The following IMMP2L variants were observed in gnomAD, a reference collection of about 807,000 sequenced individuals.
IMMP2L encodes the protein mitochondrial inner membrane protease subunit 2.
Under a neutral mutation model 19.3 loss-of-function variants are expected in IMMP2L, and 18 were observed. That is an observed-to-expected ratio of 0.93 (90% confidence interval 0.64 to 1.38). IMMP2L has a LOEUF of 1.38. Ranked by LOEUF, IMMP2L falls within the 40% of genes most tolerant of loss-of-function variation. The pLI, the probability that IMMP2L is intolerant of heterozygous loss-of-function variation, is 0.00. For synonymous variants in IMMP2L, 76 were observed against 73.0 expected (o/e 1.04, Z -0.21); for missense variants, 233 against 218.2 (o/e 1.07, Z -0.43).
chr7:111,262,223 A>G (rs1214194490), intron 3 of IMMP2L, among the ~76,000 whole-genome samples: 2 of 152,170 alleles, frequency 1.3e-5, no homozygotes, highest in Admixed American at 6.6e-5. Flanking sequence ...TAAATAATAT[A>G]ATAGTATTTC....
At chr7:110,904,069 A>T (rs1277060087) in intron 4 of IMMP2L, among the ~76,000 whole-genome samples, 1 of 151,828 alleles carries the variant, frequency 6.6e-6, no homozygotes, top group Non-Finnish European at 1.5e-5. Context: ...TTCTGATCAA[A>T]TTTTTTGGTT....
chr7:111,502,423 T>C (rs868645548), intron 2 of IMMP2L, among the ~76,000 whole-genome samples: 24 of 151,784 alleles, frequency 1.6e-4, no homozygotes, highest in African/African-American at 5.3e-4. Context: ...AGACAGAAAG[T>C]TAACAAGGAT....
At chr7:110,987,112 T>G (rs1348198459) in intron 3 of IMMP2L, among the ~76,000 whole-genome samples, 1 of 152,110 alleles carries the variant, frequency 6.6e-6, no homozygotes, top group African/African-American at 2.4e-5. Context: ...AATTCATCAC[T>G]TTTCTATTTA....
chr7:111,354,549 G>C (rs1828505882), intron 3 of IMMP2L, among the ~76,000 whole-genome samples: 1 of 150,554 alleles, frequency 6.6e-6, no homozygotes, highest in Non-Finnish European at 1.5e-5. Flanking sequence ...AGAGGTTCTA[G>C]TCAACAAAGA....
rs1809146421 is a variant in IMMP2L at position 110,877,014 on chromosome 7, A to C, written c.408+9579T>G. 6.6e-6 allele frequency among the ~76,000 whole-genome samples: 1 copy of C among 152,208 alleles called. No individual in the cohort carries two copies. Among genetic ancestry groups the C allele is most frequent in the Non-Finnish European group, 1.5e-5 (1 of 68,018 alleles). ...AAGCTTTTTAAATAAAGAGCAGATA[A>C]TAAATATTTTAGGATTTGTGGGATA... On this transcript the variant is annotated intron_variant, in intron 5 of 5. Transcript: ENST00000405709. The surrounding 1 kb of genome is among the most constrained non-coding windows in gnomAD (Gnocchi z 4.0).
intron 3 of IMMP2L, among the ~76,000 whole-genome samples, chr7:111,471,706 G>A (rs935489467): frequency 6.6e-6 from 1 of 151,870 alleles, no homozygotes; most frequent in African/African-American, 2.4e-5. Context: ...TCACATATAT[G>A]GCTCACGTTA....
chr7:110,828,049 G>A lies in IMMP2L; in HGVS notation c.408+58544C>T, dbSNP rs1054491053. On this transcript the variant is annotated intron_variant, in intron 5 of 5. Transcript: ENST00000405709. Reference sequence around the variant, plus strand: ...AAACTAAAAAGACTGTTCTCAAAGTGCTCCTATCCAGATTTTTTAGTCATC... The same window carrying A: ...AAACTAAAAAGACTGTTCTCAAAGTACTCCTATCCAGATTTTTTAGTCATC... Among the ~76,000 whole-genome samples the A allele has an allele frequency of 7.9e-5, 12 of 152,208 alleles. No homozygotes were observed. In the South Asian group the frequency reaches 1.0e-3, roughly 13 times the overall value.
intron 4 of IMMP2L, among the ~76,000 whole-genome samples, chr7:110,932,059 C>A (rs900801766): frequency 1.3e-5 from 2 of 152,112 alleles, no homozygotes. Context: ...CCCCACACCC[C>A]CTTCTATTTT....
intron 5 of IMMP2L, among the ~76,000 whole-genome samples, chr7:110,696,502 C>T (rs142162334): frequency 2.6e-5 from 4 of 150,950 alleles, no homozygotes; most frequent in Non-Finnish European, 5.9e-5. Context: ...TCTCGGCCCA[C>T]CGCAATCTCG....
chr7:111,398,943 G>A (rs1276141390), intron 3 of IMMP2L, among the ~76,000 whole-genome samples: 1 of 150,064 alleles, frequency 6.7e-6, no homozygotes, highest in Non-Finnish European at 1.5e-5. Flanking sequence ...ACCTCTACAA[G>A]GAAAACTACA....
chr7:110,738,591 A>G (rs1223615547), intron 5 of IMMP2L, among the ~76,000 whole-genome samples: 1 of 152,244 alleles, frequency 6.6e-6, no homozygotes, highest in Admixed American at 6.5e-5. Flanking sequence ...TCCAAACCTA[A>G]GAATAATTGG....
intron 3 of IMMP2L, among the ~76,000 whole-genome samples, chr7:111,362,833 G>A (rs1033851105): frequency 1.3e-5 from 2 of 152,068 alleles, no homozygotes; most frequent in Non-Finnish European, 2.9e-5. Flanking sequence ...TGGGAGGGGC[G>A]AGAAGTCTGC....
At chr7:111,503,110 T>C (rs570501176) in intron 2 of IMMP2L, among the ~76,000 whole-genome samples, 12 of 151,886 alleles carry the variant, frequency 7.9e-5, no homozygotes, top group African/African-American at 2.9e-4. Flanking sequence ...AAGAATCAAA[T>C]AGACACAATA....
chr7:111,318,300 A>AC (rs1824321448), intron 3 of IMMP2L, among the ~76,000 whole-genome samples: 1 of 152,100 alleles, frequency 6.6e-6, no homozygotes, highest in Admixed American at 6.6e-5. Context: ...TGTGGAAGCC[A>AC]ATGGAGAACT....
Position 111,351,214 on chromosome 7 carries a change from G to A in IMMP2L, c.239+136024C>T, listed in dbSNP as rs7789749. The stretch of plus-strand genomic sequence containing the variant: ...TTATTTATTTATTTATTTTTGAGAC[G>A]GAGTCTTGCTCTGTCACCCAGGCTG... On this transcript the variant is annotated intron_variant, in intron 3 of 5. Transcript: ENST00000405709. 8.3e-3 allele frequency among the ~76,000 whole-genome samples: 1,267 copies of A among 152,024 alleles called. 19 individuals carry two copies. The highest frequency in any genetic ancestry group is 0.029 in the African/African-American group (1,198 of 41,478).
chr7:110,753,069 G>C (rs1797824442), intron 5 of IMMP2L, among the ~76,000 whole-genome samples: 1 of 152,056 alleles, frequency 6.6e-6, no homozygotes. Flanking sequence ...TTCCTTTGTA[G>C]CAGTTATGCT....
intron 3 of IMMP2L, among the ~76,000 whole-genome samples, chr7:111,419,400 G>A (rs1322995299): frequency 4.0e-5 from 6 of 151,500 alleles, no homozygotes; most frequent in Non-Finnish European, 1.5e-5. Flanking sequence ...GAAAGGAAAT[G>A]GGCCCCAAAA....
chr7:111,228,974 T>C (rs1383530855), intron 3 of IMMP2L, among the ~76,000 whole-genome samples: 1 of 136,744 alleles, frequency 7.3e-6, no homozygotes, highest in East Asian at 2.0e-4. Flanking sequence ...TGCGTGTGTG[T>C]GTGTGTGTGT....
chr7:110,967,335 G>T (rs1819645787), intron 3 of IMMP2L, among the ~76,000 whole-genome samples: 1 of 152,028 alleles, frequency 6.6e-6, no homozygotes, highest in Non-Finnish European at 1.5e-5. Context: ...ATACTCAAGA[G>T]ACCCCTCTAG....
Sources: allele counts gnomAD v4.1 joint callset (sites outside exome capture counted in the v4.1 genomes callset), GRCh38; gene constraint gnomAD v4.1.1; non-coding constraint Gnocchi (gnomAD v3.1); transcripts MANE v1.5; gene names NCBI Gene and HGNC (gene_info 2026-07-23, HGNC 2026-07-21).